The following ASB2 variants were observed in gnomAD, a reference collection of about 807,000 sequenced individuals.
ASB2 encodes the protein ankyrin repeat and SOCS box protein 2.
A neutral mutation model predicts 62.4 loss-of-function variants in ASB2; 58 were observed. That is an observed-to-expected ratio of 0.93 (90% CI 0.75 to 1.16). The LOEUF (loss-of-function observed/expected upper bound fraction) is 1.16, where lower values mean the gene tolerates loss of function less well. Among genes scored for constraint, ASB2 ranks in the 50% most tolerant of loss-of-function variants. The pLI is 0.00. For synonymous variants in ASB2, 386 were observed against 385.3 expected, an observed-to-expected ratio of 1.00 and a Z score of -0.02; for missense variants, 928 against 887.9, an observed-to-expected ratio of 1.05 and a Z score of -0.57.
chr14:93,964,303 CCACTTCCCT>C lies in ASB2; in HGVS notation c.206+22_206+30del, dbSNP rs754663493. 8.5e-6 allele frequency: 13 copies of C among 1,530,060 alleles called. No homozygotes were observed. The South Asian group carries it at 1.3e-4, about 15-fold the overall frequency. The allele number at this position is 1,530,060 out of a possible 1,614,324, so 94.8% of individuals were successfully genotyped here. On this transcript the variant is annotated intron_variant, in intron 2 of 9. Transcript: ENST00000555019. ...CAGTCTGTGGATGTCCTGGATGGCCCCACTTCCCTCATCAGCCTCGCCTTGCTCACCTGG... is the reference window on the plus strand; with the variant it reads ...CAGTCTGTGGATGTCCTGGATGGCCCCATCAGCCTCGCCTTGCTCACCTGG...
At chr14:93,949,955 G>A (rs1888890848) in intron 6 of ASB2, among the ~76,000 whole-genome samples, 1 of 152,208 alleles carries the variant, frequency 6.6e-6, no homozygotes, top group Admixed American at 6.5e-5. Flanking sequence ...TACCTGGGCA[G>A]AGTCCCGTGC....
chr14:93,943,801 A>C (rs943787407), intron 7 of ASB2: 5 of 375,818 alleles, frequency 1.3e-5, no homozygotes, highest in South Asian at 1.0e-4. Flanking sequence ...CTTTTAACTA[A>C]TGGGGATATT....
intron 9 of ASB2, among the ~76,000 whole-genome samples, chr14:93,935,583 G>C (rs1219323624): frequency 6.6e-6 from 1 of 152,144 alleles, no homozygotes; most frequent in Non-Finnish European, 1.5e-5. Flanking sequence ...CTGGGGGAGG[G>C]GCAGGAATTT....
intron 6 of ASB2, among the ~76,000 whole-genome samples, chr14:93,949,881 C>A (rs1051129085): frequency 2.6e-5 from 4 of 152,186 alleles, no homozygotes; most frequent in African/African-American, 7.2e-5. Flanking sequence ...TTGTTCCTGG[C>A]TGCACGGAAG....
intron 2 of ASB2, chr14:93,957,212 G>A: frequency 1.6e-6 from 2 of 1,278,110 alleles, no homozygotes; most frequent in South Asian, 2.1e-5. Context: ...AGGAGGATGT[G>A]AGCCGTGGTC....
chr14:93,961,830 G>A (rs1295312334), intron 2 of ASB2, among the ~76,000 whole-genome samples: 2 of 152,180 alleles, frequency 1.3e-5, no homozygotes, highest in African/African-American at 2.4e-5. Flanking sequence ...GGAGACGGAC[G>A]TAATGAGGTC....
At chr14:93,957,297 C>T in intron 2 of ASB2, 1 of 1,098,896 alleles carries the variant, frequency 9.1e-7, no homozygotes, top group Non-Finnish European at 1.1e-6. Context: ...ATGAGAGATT[C>T]ATGGCAAAGC....
chr14:93,956,765 C>G lies in ASB2; in HGVS notation c.311+1G>C. On this transcript the variant is annotated splice_donor_variant, in intron 3 of 9. Coordinates refer to ENST00000555019, the MANE Select transcript of ASB2 (RefSeq NM_001202429.2). LOFTEE classifies it high-confidence loss of function. ...CCTGGGGCCAGACAGGAGTCACTTACGCCAGCTGGGAGGTCTTGAACAAGC... is the reference window on the plus strand; with the variant it reads ...CCTGGGGCCAGACAGGAGTCACTTAGGCCAGCTGGGAGGTCTTGAACAAGC... 1.9e-6 allele frequency: 3 copies of G among 1,614,160 alleles called. No homozygotes were observed. The highest frequency in any genetic ancestry group is 1.7e-6 in the Non-Finnish European group (2 of 1,180,010).
chr14:93,974,653 T>C (rs1015200954), intron 1 of ASB2, among the ~76,000 whole-genome samples: 3 of 152,224 alleles, frequency 2.0e-5, no homozygotes, highest in African/African-American at 7.2e-5. Flanking sequence ...AATGTGGACC[T>C]TGCAGACCAA....
intron 1 of ASB2, among the ~76,000 whole-genome samples, chr14:93,964,980 T>C (rs1217587855): frequency 1.3e-5 from 2 of 152,188 alleles, no homozygotes; most frequent in African/African-American, 4.8e-5. Context: ...TGTCTACTCA[T>C]CTGACCATTT....
chr14:93,958,474 C>A (rs1270749717), intron 2 of ASB2, among the ~76,000 whole-genome samples: 1 of 152,196 alleles, frequency 6.6e-6, no homozygotes, highest in Non-Finnish European at 1.5e-5. Context: ...TCTCCGACCT[C>A]CACACTGACT....
intron 1 of ASB2, among the ~76,000 whole-genome samples, chr14:93,966,763 T>C (rs550392041): frequency 2.3e-4 from 35 of 152,180 alleles, no homozygotes; most frequent in Admixed American, 2.0e-3. Flanking sequence ...CTTGAAAACA[T>C]GTCAAGGACC....
chr14:93,956,931 A>G (rs1417606410), intron 2 of ASB2, 61 bp from the exon 3 acceptor site: 2 of 1,606,374 alleles, frequency 1.2e-6, no homozygotes, highest in African/African-American at 1.3e-5. Context: ...GAAGCGGGTC[A>G]TGGCTTCAGG....
chr14:93,956,708 C>T, intron 3 of ASB2, 58 bp downstream of exon 3: 1 of 1,604,790 alleles, frequency 6.2e-7, no homozygotes, highest in South Asian at 1.1e-5. Context: ...ACCCTCCCTG[C>T]CATCCCAGTT....
intron 2 of ASB2, among the ~76,000 whole-genome samples, chr14:93,960,950 G>GATAGATAA (rs1555429768): frequency 1.3e-4 from 19 of 144,724 alleles, no homozygotes; most frequent in Non-Finnish European, 1.2e-4. Flanking sequence ...GGGCACTGGA[G>GATAGATAA]ATAAATAAAT....
intron 5 of ASB2, 73 bp downstream of exon 5, chr14:93,953,279 G>A (rs1429380495): frequency 2.2e-6 from 3 of 1,374,986 alleles, no homozygotes; most frequent in African/African-American, 1.5e-5. Flanking sequence ...CTTAACGGGA[G>A]CAACATTCCC....
At chr14:93,950,203 G>C (rs1242460921) in intron 6 of ASB2, among the ~76,000 whole-genome samples, 1 of 152,218 alleles carries the variant, frequency 6.6e-6, no homozygotes, top group African/African-American at 2.4e-5. Context: ...GATTCCTACA[G>C]TTCAGCCTCA....
chr14:93,947,023 C>T (rs1482836790), intron 7 of ASB2, among the ~76,000 whole-genome samples: 1 of 152,164 alleles, frequency 6.6e-6, no homozygotes, highest in African/African-American at 2.4e-5. Flanking sequence ...TCTTAGCTTC[C>T]TCATCTAAAC....
chr14:93,941,647 A>T lies in ASB2; in HGVS notation c.1053-1975T>A, dbSNP rs186406217. On this transcript the variant is annotated intron_variant, in intron 7 of 9. Coordinates refer to ENST00000555019, the MANE Select transcript of ASB2 (RefSeq NM_001202429.2). ...CCCTGGATGGCGGCCACGGCCAACA[A>T]ATGCTCTGCTAACAGCTGTAACGTG... 976 of 455,950 alleles carry T rather than the reference A, an allele frequency of 2.1e-3. 11 individuals carry two copies. Among genetic ancestry groups the T allele is most frequent in the African/African-American group, 0.017 (869 of 50,104 alleles). The allele number at this position is 455,950 out of a possible 1,614,324, so 28.2% of individuals were successfully genotyped here.
Sources: gnomAD v4.1 joint callset for allele counts (sites outside exome capture counted in the v4.1 genomes callset) on GRCh38, gnomAD v4.1.1 for gene constraint, MANE v1.5 for transcripts, NCBI Gene and HGNC (gene_info 2026-07-23, HGNC 2026-07-21) for gene names.